TAF4B: variants seen among roughly 807,000 people sequenced by gnomAD.
The protein encoded by TAF4B is transcription initiation factor TFIID subunit 4B.
In TAF4B, 38 loss-of-function variants were observed where a neutral mutation model predicts 86.4. The observed-to-expected ratio is 0.44, with a 90% CI of 0.34 to 0.58. TAF4B has a LOEUF of 0.58. Ranked by LOEUF, TAF4B falls within the 20% of genes least tolerant of loss-of-function variation. The pLI is 0.02. For synonymous variants in TAF4B, 388 were observed against 391.2 expected, an observed-to-expected ratio of 0.99 and a Z score of 0.10; for missense variants, 988 against 1,027.6, an observed-to-expected ratio of 0.96 and a Z score of 0.53.
intron 10 of TAF4B, among the ~76,000 whole-genome samples, chr18:26,315,642 AT>A (rs1188324961): frequency 6.6e-6 from 1 of 152,162 alleles, no homozygotes; most frequent in East Asian, 1.9e-4. Context: ...AGTGGAATAT[AT>A]TTTTGCATGA....
chr18:26,319,263 G>T (rs1039367664), intron 10 of TAF4B, among the ~76,000 whole-genome samples: 1 of 151,798 alleles, frequency 6.6e-6, no homozygotes, highest in Non-Finnish European at 1.5e-5. Context: ...AAGCTGAGGC[G>T]GGCAGATCAC....
At chr18:26,244,449 T>C (rs1396607711) in intron 1 of TAF4B, among the ~76,000 whole-genome samples, 1 of 152,202 alleles carries the variant, frequency 6.6e-6, no homozygotes. Context: ...GATGGGAGTG[T>C]CCTGATTTTC....
chr18:26,369,991 C>T (rs147802448), intron 14 of TAF4B, among the ~76,000 whole-genome samples: 5 of 152,174 alleles, frequency 3.3e-5, no homozygotes, highest in African/African-American at 7.2e-5. Context: ...ACTGGTGGTC[C>T]GTGGCATACA....
chr18:26,370,875 T>C (rs1459586799), intron 14 of TAF4B, among the ~76,000 whole-genome samples: 5 of 152,136 alleles, frequency 3.3e-5, no homozygotes, highest in Non-Finnish European at 1.5e-5. Context: ...GGCCTGAAAG[T>C]GAAATTGAGA....
At chr18:26,346,797 A>ATGTGTGTGTG (rs1186267913) in intron 13 of TAF4B, among the ~76,000 whole-genome samples, 4 of 21,376 alleles carry the variant, frequency 1.9e-4, no homozygotes, top group Admixed American at 5.1e-4. Context: ...ATATATATAT[A>ATGTGTGTGTG]TGTGTATATA....
At chr18:26,238,028 A>G (rs2055775789) in intron 1 of TAF4B, among the ~76,000 whole-genome samples, 1 of 152,192 alleles carries the variant, frequency 6.6e-6, no homozygotes, top group African/African-American at 2.4e-5. Context: ...AAGCAGCAGC[A>G]GAAACAATAG....
At chr18:26,241,027 G>A (rs1245477026) in intron 1 of TAF4B, among the ~76,000 whole-genome samples, 4 of 152,046 alleles carry the variant, frequency 2.6e-5, no homozygotes, top group Admixed American at 1.3e-4. Context: ...TTCATCAGGG[G>A]TATTGGTCTA....
intron 1 of TAF4B, among the ~76,000 whole-genome samples, 154 bp downstream of exon 1, chr18:26,227,430 C>G (rs936598480): frequency 2.0e-5 from 3 of 152,164 alleles, no homozygotes; most frequent in Admixed American, 6.5e-5. Context: ...GTCATTACTA[C>G]ATAGTTTTTC....
chr18:26,268,366 A>G (rs934346067), intron 3 of TAF4B, among the ~76,000 whole-genome samples: 3 of 152,122 alleles, frequency 2.0e-5, no homozygotes, highest in African/African-American at 7.2e-5. Context: ...ACGATGAACT[A>G]CAGTCCCCAC....
intron 1 of TAF4B, among the ~76,000 whole-genome samples, chr18:26,253,519 G>T (rs1471792827): frequency 6.6e-6 from 1 of 152,096 alleles, no homozygotes; most frequent in Non-Finnish European, 1.5e-5. Context: ...TATCCATAAG[G>T]GATATTGACC....
Position 26,327,006 on chromosome 18 carries a change from T to C in TAF4B, c.2134-9T>C. 6.2e-7 allele frequency: 1 copy of C among 1,610,834 alleles called. No individual in the cohort carries two copies. Among genetic ancestry groups the C allele is most frequent in the Middle Eastern group, 1.7e-4 (1 of 5,852 alleles). ...ATTATAAGACTTTCTGTTTTCTTTT[T>C]TTTCCCAGGCAAGTGAAAATTACAT... On this transcript the variant is annotated splice_polypyrimidine_tract_variant and intron_variant, in intron 11 of 14. Transcript: ENST00000269142.
chr18:26,258,288 G>A (rs1212099097), intron 1 of TAF4B, among the ~76,000 whole-genome samples: 1 of 151,210 alleles, frequency 6.6e-6, no homozygotes, highest in Admixed American at 6.6e-5. Flanking sequence ...AAGAGAGCAA[G>A]GACATGTTTA....
intron 14 of TAF4B, among the ~76,000 whole-genome samples, chr18:26,386,605 C>T (rs911634108): frequency 2.0e-5 from 3 of 152,100 alleles, no homozygotes; most frequent in Admixed American, 2.0e-4. Context: ...ACTCACTCTC[C>T]TGACTTTTTT....
chr18:26,281,585 G>A (rs1009951133), intron 5 of TAF4B, among the ~76,000 whole-genome samples: 8 of 152,104 alleles, frequency 5.3e-5, no homozygotes, highest in East Asian at 1.9e-4. Flanking sequence ...TTTCCAAATC[G>A]TTGTAGAGAA....
rs554195367 is a variant in TAF4B, at chr18:26,278,726, C to T, written c.883-3245C>T. On this transcript the variant is annotated intron_variant, in intron 5 of 14. Coordinates refer to ENST00000269142, the MANE Select transcript of TAF4B (RefSeq NM_005640.3). ...AGTTTTACCCATTGTTGCCTTTGCA[C>T]CATGTGTGCAAACATTAGCTTAGTG... Among the ~76,000 whole-genome samples the T allele has an allele frequency of 3.2e-3, 482 of 151,946 alleles. 2 individuals carry two copies. Among genetic ancestry groups the T allele is most frequent in the Non-Finnish European group, 5.4e-3 (368 of 67,974 alleles).
At chr18:26,369,554 C>T (rs1409487093) in intron 14 of TAF4B, among the ~76,000 whole-genome samples, 1 of 152,160 alleles carries the variant, frequency 6.6e-6, no homozygotes, top group Non-Finnish European at 1.5e-5. Context: ...GAAACTGCAG[C>T]CATATTCTTT....
intron 6 of TAF4B, among the ~76,000 whole-genome samples, chr18:26,284,286 G>A (rs2056484341): frequency 6.6e-6 from 1 of 152,224 alleles, no homozygotes; most frequent in Non-Finnish European, 1.5e-5. Context: ...TTTTGCTTAA[G>A]GGAATGTTGT....
chr18:26,379,540 CTGTT>C (rs954476515), intron 14 of TAF4B, among the ~76,000 whole-genome samples: 9 of 151,968 alleles, frequency 5.9e-5, no homozygotes, highest in South Asian at 4.1e-4. Context: ...ATACTCTATT[CTGTT>C]TGTTTATTTT....
At chr18:26,261,511 C>CT (rs1477588431) in intron 1 of TAF4B, among the ~76,000 whole-genome samples, 1 of 152,192 alleles carries the variant, frequency 6.6e-6, no homozygotes, top group Non-Finnish European at 1.5e-5. Flanking sequence ...GCACTGTCAT[C>CT]TTTAGCAGGA....
Sources: allele counts gnomAD v4.1 joint callset (sites outside exome capture counted in the v4.1 genomes callset), GRCh38; gene constraint gnomAD v4.1.1; transcripts MANE v1.5; gene names NCBI Gene and HGNC (gene_info 2026-07-23, HGNC 2026-07-21).